ASB15: variants seen among roughly 807,000 people sequenced by gnomAD.
ASB15 encodes the protein ankyrin repeat and SOCS box containing 15, also known as ankyrin repeat and SOCS box protein 15.
In ASB15, 54 loss-of-function variants were observed where a neutral mutation model predicts 58.0. The observed-to-expected ratio is 0.93, with a 90% CI of 0.75 to 1.17. The LOEUF is 1.17. ASB15 is among the 50% of genes most tolerant of loss of function. The probability of loss-of-function intolerance (pLI) is 0.00; values close to 1 mark genes in which losing one functional copy is unlikely to be tolerated. For missense variants in ASB15, 680 were observed against 707.4 expected (o/e 0.96, Z 0.44); for synonymous variants, 249 against 262.4 (o/e 0.95, Z 0.50).
chr7:123,597,336 A>G (rs775172961), upstream of ASB15, among the ~76,000 whole-genome samples: 8 of 152,194 alleles, frequency 5.3e-5, no homozygotes, highest in South Asian at 1.2e-3. Context: ...CCTTTATTTT[A>G]TTTAATGATG....
At chr7:123,610,708 T>C (rs553407145) in intron 3 of ASB15, among the ~76,000 whole-genome samples, 1 of 152,132 alleles carries the variant, frequency 6.6e-6, no homozygotes, top group Non-Finnish European at 1.5e-5. Context: ...GGTTAACCAG[T>C]GCTTTAAATG....
intron 11 of ASB15, among the ~76,000 whole-genome samples, chr7:123,636,302 G>T (rs150016885): frequency 9.4e-4 from 143 of 152,222 alleles, no homozygotes; most frequent in African/African-American, 3.2e-3. Flanking sequence ...AATAATGTTA[G>T]TATATTTTTT....
chr7:123,634,721 T>C (rs969820174), intron 11 of ASB15, among the ~76,000 whole-genome samples: 3 of 152,232 alleles, frequency 2.0e-5, no homozygotes, highest in Non-Finnish European at 2.9e-5. Flanking sequence ...AGCATTCCTT[T>C]ATAAAAGTAT....
intron 1 of ASB15, among the ~76,000 whole-genome samples, chr7:123,569,402 CA>C (rs907984650): frequency 6.6e-6 from 1 of 151,170 alleles, no homozygotes; most frequent in East Asian, 1.9e-4. Flanking sequence ...AGCTAGGGCC[CA>C]AAAAAAAGGC....
rs73718426 is a variant in ASB15, at chr7:123,578,881, G to T, written c.-443+11793G>T. Among the ~76,000 whole-genome samples, 1,142 of 152,122 alleles carry T rather than the reference G, an allele frequency of 7.5e-3. 16 individuals carry two copies. The highest frequency in any genetic ancestry group is 0.026 in the African/African-American group (1,096 of 41,524). Reference sequence around the variant, plus strand: ...TTTGTCTTCATTAACATAAACCTATGACAATGTAATTTACATGCAAGGTAT... The same window carrying T: ...TTTGTCTTCATTAACATAAACCTATTACAATGTAATTTACATGCAAGGTAT... On this transcript the variant is annotated intron_variant, in intron 1 of 13. Transcript: ENST00000451558.
upstream of ASB15, among the ~76,000 whole-genome samples, chr7:123,597,064 C>T (rs938567634): frequency 6.6e-6 from 1 of 152,228 alleles, no homozygotes; most frequent in Non-Finnish European, 1.5e-5. Flanking sequence ...ATCCCTCTTA[C>T]ACACGGTTTT....
intron 1 of ASB15, among the ~76,000 whole-genome samples, chr7:123,585,635 TTGTG>T (rs35317220): frequency 0.07 from 10,309 of 147,414 alleles, 373 homozygotes; most frequent in African/African-American, 0.082. Flanking sequence ...TAGTTACTAT[TTGTG>T]TGTGTGTGTG....
chr7:123,584,308 CAAAAAAAAAA>C (rs59126257), intron 1 of ASB15, among the ~76,000 whole-genome samples: 2 of 99,532 alleles, frequency 2.0e-5, no homozygotes, highest in Non-Finnish European at 4.0e-5. Flanking sequence ...AAGGCCTTGT[CAAAAAAAAAA>C]AAAAAAAAAA....
At chr7:123,609,256 T>A (rs1479024681) in intron 3 of ASB15, among the ~76,000 whole-genome samples, 5 of 152,118 alleles carry the variant, frequency 3.3e-5, no homozygotes, top group Non-Finnish European at 5.9e-5. Flanking sequence ...TCCCTTCGTA[T>A]CACTTCCTAC....
upstream of ASB15, chr7:123,599,045 C>T (rs1378203798): frequency 6.6e-6 from 1 of 152,144 alleles, no homozygotes; most frequent in East Asian, 1.9e-4. Context: ...TTCTTTTCTA[C>T]TGTTTTATGC....
At chr7:123,573,977 C>T (rs1798987542) in intron 1 of ASB15, among the ~76,000 whole-genome samples, 1 of 151,898 alleles carries the variant, frequency 6.6e-6, no homozygotes, top group Non-Finnish European at 1.5e-5. Context: ...TTCATTAGGT[C>T]GCTTTTATAA....
intron 1 of ASB15, among the ~76,000 whole-genome samples, chr7:123,592,620 T>C (rs186970546): frequency 1.6e-4 from 24 of 152,320 alleles, no homozygotes; most frequent in African/African-American, 5.5e-4. Flanking sequence ...AATCCTTATT[T>C]CTAATTTGAT....
chr7:123,580,658 C>G (rs1471936927), intron 1 of ASB15, among the ~76,000 whole-genome samples: 1 of 152,024 alleles, frequency 6.6e-6, no homozygotes, highest in Non-Finnish European at 1.5e-5. Context: ...GAATGCAACC[C>G]TTCTCTAGGG....
intron 1 of ASB15, among the ~76,000 whole-genome samples, chr7:123,590,333 C>A (rs933483437): frequency 6.6e-6 from 1 of 152,048 alleles, no homozygotes; most frequent in Non-Finnish European, 1.5e-5. Context: ...TAATTAGATC[C>A]CATTTGTCTA....
chr7:123,576,462 C>T (rs1055581319), intron 1 of ASB15, among the ~76,000 whole-genome samples: 5 of 151,990 alleles, frequency 3.3e-5, no homozygotes, highest in Admixed American at 1.3e-4. Context: ...CTATATTTTT[C>T]ATAGTGTCTT....
intron 11 of ASB15, among the ~76,000 whole-genome samples, chr7:123,634,928 A>G (rs143865764): frequency 9.6e-4 from 146 of 152,298 alleles, no homozygotes; most frequent in African/African-American, 3.2e-3. Context: ...ATTTGCAAGA[A>G]GTAGAGGAGA....
In ASB15 at chr7:123,576,367, A is replaced by G. The variant is rs565080562; in HGVS notation, c.-443+9279A>G. On this transcript the variant is annotated intron_variant, in intron 1 of 13. Transcript: ENST00000451558. Reference sequence around the variant, plus strand: ...GTTGTTGTTGTTTTAATTAATGGTAAAATATATGATCATAATTTTCATCTG... The same window carrying G: ...GTTGTTGTTGTTTTAATTAATGGTAGAATATATGATCATAATTTTCATCTG... Among the ~76,000 whole-genome samples, 5 of 152,024 alleles carry G rather than the reference A, an allele frequency of 3.3e-5. No homozygotes were observed. The South Asian group carries it at 8.3e-4, about 25-fold the overall frequency.
intron 1 of ASB15, among the ~76,000 whole-genome samples, chr7:123,584,458 A>G (rs1799323631): frequency 6.6e-6 from 1 of 151,992 alleles, no homozygotes; most frequent in African/African-American, 2.4e-5. Context: ...CCTAAGAACA[A>G]CTGCTCTATG....
intron 11 of ASB15, among the ~76,000 whole-genome samples, chr7:123,631,035 A>T (rs1369522607): frequency 6.6e-6 from 1 of 152,180 alleles, no homozygotes; most frequent in Admixed American, 6.5e-5. Flanking sequence ...TAGGAGTAGG[A>T]TTGCTAGATT....
Sources: allele counts gnomAD v4.1 joint callset (sites outside exome capture counted in the v4.1 genomes callset), GRCh38; gene constraint gnomAD v4.1.1; transcripts MANE v1.5; gene names NCBI Gene and HGNC (gene_info 2026-07-23, HGNC 2026-07-21).